The following GRIK1 variants were observed in gnomAD, a reference collection of about 807,000 sequenced individuals.
The protein encoded by GRIK1 is glutamate ionotropic receptor kainate type subunit 1.
Under a neutral mutation model 105.7 loss-of-function variants are expected in GRIK1, and 69 were observed. The observed-to-expected ratio is 0.65, with a 90% CI of 0.54 to 0.80. The LOEUF is 0.80. GRIK1 is among the 30% of genes least tolerant of loss of function. The probability of loss-of-function intolerance (pLI) is 0.00; values close to 1 mark genes in which losing one functional copy is unlikely to be tolerated. For missense variants in GRIK1, 1,109 were observed against 1,167.3 expected, an observed-to-expected ratio of 0.95 and a Z score of 0.73; for synonymous variants, 438 against 431.3, an observed-to-expected ratio of 1.02 and a Z score of -0.19.
chr21:29,651,960 G>C (rs1400133444), intron 5 of GRIK1, among the ~76,000 whole-genome samples: 2 of 152,094 alleles, frequency 1.3e-5, no homozygotes, highest in African/African-American at 4.8e-5. Context: ...TTCTAGGGCA[G>C]TAATCAGTTT....
chr21:29,562,655 C>CA (rs559992451), intron 14 of GRIK1, among the ~76,000 whole-genome samples: 7,910 of 141,436 alleles, frequency 0.056, 240 homozygotes, highest in Non-Finnish European at 0.066. Context: ...GACTCTGTCT[C>CA]AAAAAAAAAA....
intron 16 of GRIK1, among the ~76,000 whole-genome samples, chr21:29,548,591 G>T (rs1194490263): frequency 1.3e-5 from 2 of 152,008 alleles, no homozygotes; most frequent in Non-Finnish European, 2.9e-5. Context: ...CTTTCCTTTT[G>T]CTGTTAAAGG....
chr21:29,872,237 A>T (rs1451504455), intron 1 of GRIK1, among the ~76,000 whole-genome samples: 2 of 132,804 alleles, frequency 1.5e-5, no homozygotes, highest in Non-Finnish European at 3.1e-5. Flanking sequence ...TCTGTCGCCC[A>T]GGCTGGAGTG....
chr21:29,627,223 CTCTT>C (rs1354696053), intron 7 of GRIK1, among the ~76,000 whole-genome samples: 1 of 152,192 alleles, frequency 6.6e-6, no homozygotes, highest in Admixed American at 6.5e-5. Flanking sequence ...TGTTAGCACT[CTCTT>C]TCCCAATTAG....
chr21:29,642,695 G>T, intron 7 of GRIK1, 131 bp downstream of exon 7: 1 of 736,306 alleles, frequency 1.4e-6, no homozygotes, highest in South Asian at 1.9e-5. Context: ...AATCTGAGCA[G>T]ACTGGTTGAT....
intron 1 of GRIK1, among the ~76,000 whole-genome samples, chr21:29,868,767 C>A (rs1448409124): frequency 4.6e-5 from 7 of 151,824 alleles, no homozygotes; most frequent in Non-Finnish European, 2.9e-5. Flanking sequence ...CTTTTGCTAT[C>A]ATTGTCAGGA....
intron 4 of GRIK1, among the ~76,000 whole-genome samples, chr21:29,659,985 A>C (rs1434591760): frequency 1.3e-5 from 2 of 151,996 alleles, no homozygotes; most frequent in Non-Finnish European, 2.9e-5. Flanking sequence ...AACAAAAAAA[A>C]CCCAACAACA....
chr21:29,713,060 C>T (rs1020429670), intron 1 of GRIK1, among the ~76,000 whole-genome samples: 11 of 152,028 alleles, frequency 7.2e-5, no homozygotes, highest in Non-Finnish European at 1.5e-4. Flanking sequence ...GCAGTAAATT[C>T]GTCTGTCTCT....
At chr21:29,638,248 G>A (rs1016902347) in intron 7 of GRIK1, among the ~76,000 whole-genome samples, 1 of 152,064 alleles carries the variant, frequency 6.6e-6, no homozygotes, top group African/African-American at 2.4e-5. Flanking sequence ...ATGGCGGAAG[G>A]GGAAGTAGGT....
intron 1 of GRIK1, among the ~76,000 whole-genome samples, chr21:29,832,591 T>A (rs552979186): frequency 2.1e-4 from 32 of 152,264 alleles, no homozygotes; most frequent in African/African-American, 7.5e-4. Flanking sequence ...AGCAGTAGCC[T>A]GAGGTGTATC....
rs746842761 is a variant in GRIK1, at chr21:29,900,459, C to CAAAAAAAAAAAAA, written c.118+38923_118+38924insTTTTTTTTTTTTT. 2.5e-3 allele frequency among the ~76,000 whole-genome samples: 196 copies of CAAAAAAAAAAAAA among 78,110 alleles called. 9 individuals are homozygous for CAAAAAAAAAAAAA. Among genetic ancestry groups the CAAAAAAAAAAAAA allele is most frequent in the Middle Eastern group, 0.025 (3 of 120 alleles). 51.2% of individuals were successfully genotyped at this position (78,110 alleles called of 152,430 possible). A position where few individuals can be genotyped will look rare whatever the true frequency, so the allele number is the denominator to read the frequency against. The stretch of plus-strand genomic sequence containing the variant: ...GAAGATCTACCAAACAAATGGAAAG[C>CAAAAAAAAAAAAA]AAGAAAAAAAAAAAAAAAAAGCAAG... On this transcript the variant is annotated intron_variant, in intron 1 of 17. Coordinates refer to ENST00000327783, the MANE Select transcript of GRIK1 (RefSeq NM_001330994.2).
At position 29,546,073 on chromosome 21, in the gene GRIK1, C is replaced by A. The variant is rs1395010728; in HGVS notation, c.2608-8189G>T. 5.3e-5 allele frequency among the ~76,000 whole-genome samples: 8 copies of A among 152,300 alleles called. No homozygotes were observed. The South Asian group carries it at 1.4e-3, about 28-fold the overall frequency. ...GGCCACCCTCTGTCCTTTTGTCTTC[C>A]ATGGGGATGTGACATCCTACTAGGT... On this transcript the variant is annotated intron_variant, in intron 16 of 17. Transcript: ENST00000327783.
At chr21:29,800,054 G>A (rs2145851260) in intron 1 of GRIK1, among the ~76,000 whole-genome samples, 1 of 152,302 alleles carries the variant, frequency 6.6e-6, no homozygotes, top group South Asian at 2.1e-4. Flanking sequence ...GGTCATAACA[G>A]CTTGCAAAGT....
chr21:29,849,042 A>G (rs1296154580), intron 1 of GRIK1, among the ~76,000 whole-genome samples: 3 of 152,178 alleles, frequency 2.0e-5, no homozygotes, highest in South Asian at 2.1e-4. Flanking sequence ...ACAAACACAC[A>G]TAGTATAGTT....
intron 1 of GRIK1, among the ~76,000 whole-genome samples, chr21:29,815,709 G>A (rs1303999935): frequency 1.3e-5 from 2 of 152,086 alleles, no homozygotes; most frequent in Non-Finnish European, 1.5e-5. Context: ...GAATTATGAT[G>A]ATGATTATAG....
chr21:29,803,229 T>C (rs2066762048), intron 1 of GRIK1, among the ~76,000 whole-genome samples: 1 of 152,182 alleles, frequency 6.6e-6, no homozygotes, highest in African/African-American at 2.4e-5. Flanking sequence ...ACTTTATTTA[T>C]TTTTAAAAAT....
intron 4 of GRIK1, among the ~76,000 whole-genome samples, chr21:29,669,819 G>A (rs2063130345): frequency 6.6e-6 from 1 of 152,088 alleles, no homozygotes; most frequent in Admixed American, 6.5e-5. Context: ...TAGTGGAATG[G>A]CAGCCAGAAT....
intron 1 of GRIK1, among the ~76,000 whole-genome samples, chr21:29,707,823 C>T (rs923710279): frequency 2.6e-5 from 4 of 151,046 alleles, no homozygotes; most frequent in African/African-American, 7.4e-5. Flanking sequence ...ACATAGGTAC[C>T]TCTTCCTGAA....
chr21:29,901,607 T>C (rs917532076), intron 1 of GRIK1, among the ~76,000 whole-genome samples: 1 of 152,014 alleles, frequency 6.6e-6, no homozygotes, highest in African/African-American at 2.4e-5. Flanking sequence ...AGAAGTTGAA[T>C]CTCTGAAAAG....
Sources: allele counts gnomAD v4.1 joint callset (sites outside exome capture counted in the v4.1 genomes callset), GRCh38; gene constraint gnomAD v4.1.1; transcripts MANE v1.5; gene names NCBI Gene and HGNC (gene_info 2026-07-23, HGNC 2026-07-21).